NRXN1: variants seen among roughly 807,000 people sequenced by gnomAD.
NRXN1 encodes neurexin-1.
Under a neutral mutation model 150.9 loss-of-function variants are expected in NRXN1, and 39 were observed. The observed-to-expected ratio is 0.26, with a 90% confidence interval of 0.20 to 0.34. NRXN1 has a LOEUF of 0.34. Ranked by LOEUF, NRXN1 falls within the 10% of genes least tolerant of loss-of-function variation. The pLI is 1.00. For synonymous variants in NRXN1, 924 were observed against 757.0 expected (o/e 1.22, Z -3.62); for missense variants, 1,815 against 1,949.9 (o/e 0.93, Z 1.30).
At chr2:49,942,912 G>A (rs988073466) in intron 22 of NRXN1, among the ~76,000 whole-genome samples, 3 of 152,064 alleles carry the variant, frequency 2.0e-5, no homozygotes, top group Non-Finnish European at 2.9e-5. Context: ...GACCAGCAAA[G>A]AACATTATTG....
In NRXN1 at chr2:50,228,353, G is replaced by C. The variant is rs545348362; in HGVS notation, c.3546+8436C>G. ...TTCTCTTGGATGGTATAGGTTGAGA[G>C]ACATGGTAGCAATTCGGTGACAAAC... On this transcript the variant is annotated intron_variant, in intron 18 of 22. Transcript: ENST00000401669. Among the ~76,000 whole-genome samples, 10 of 152,092 alleles carry C rather than the reference G, an allele frequency of 6.6e-5. No homozygotes were observed. The East Asian group carries it at 1.6e-3, about 24-fold the overall frequency.
intron 17 of NRXN1, among the ~76,000 whole-genome samples, chr2:50,280,128 A>T (rs2071219592): frequency 6.6e-6 from 1 of 151,974 alleles, no homozygotes; most frequent in African/African-American, 2.4e-5. Flanking sequence ...AATACAAAAA[A>T]GTAGCAGGGC....
intron 5 of NRXN1, among the ~76,000 whole-genome samples, chr2:50,788,805 T>G (rs1350716649): frequency 1.3e-5 from 2 of 151,658 alleles, no homozygotes; most frequent in East Asian, 3.9e-4. Context: ...ATAAGGAGAT[T>G]ACAATGTCAA....
intron 18 of NRXN1, among the ~76,000 whole-genome samples, chr2:50,150,265 T>C (rs2058619566): frequency 6.6e-6 from 1 of 151,760 alleles, no homozygotes; most frequent in South Asian, 2.1e-4. Flanking sequence ...CATGCAGTCT[T>C]CATGCATGCA....
At chr2:50,269,803 T>C (rs991117660) in intron 17 of NRXN1, among the ~76,000 whole-genome samples, 4 of 152,156 alleles carry the variant, frequency 2.6e-5, no homozygotes, top group Admixed American at 6.5e-5. Flanking sequence ...TCTGCTAACA[T>C]AGAGTTTAAC....
chr2:50,030,924 A>G (rs1275767907), intron 21 of NRXN1, among the ~76,000 whole-genome samples: 2 of 152,022 alleles, frequency 1.3e-5, no homozygotes, highest in East Asian at 3.9e-4. Flanking sequence ...TAAGCTCCCT[A>G]TGGCACTAGA....
At chr2:50,316,980 A>G (rs1202022499) in intron 17 of NRXN1, among the ~76,000 whole-genome samples, 1 of 152,058 alleles carries the variant, frequency 6.6e-6, no homozygotes, top group Non-Finnish European at 1.5e-5. Context: ...TACCAAAAGA[A>G]AAAATAATAA....
At chr2:50,594,894 T>G (rs1276131613) in intron 8 of NRXN1, among the ~76,000 whole-genome samples, 1 of 152,020 alleles carries the variant, frequency 6.6e-6, no homozygotes, top group Non-Finnish European at 1.5e-5. Flanking sequence ...CCACGATGCT[T>G]TAAATCCAAC....
intron 5 of NRXN1, among the ~76,000 whole-genome samples, chr2:50,705,175 A>G (rs190287638): frequency 6.6e-6 from 1 of 152,168 alleles, no homozygotes; most frequent in East Asian, 1.9e-4. Flanking sequence ...ATTTTGACAA[A>G]TGTGTCTCAG....
rs150677873 is a variant in NRXN1, at chr2:50,983,859, T to C, written c.772+43643A>G. On this transcript the variant is annotated intron_variant, in intron 2 of 22. Transcript: ENST00000401669. ...TTAAAGGCAATGAATATAACTCTTC[T>C]ACATAAAATTCTGTACATAGTAGAG... 7.6e-3 allele frequency among the ~76,000 whole-genome samples: 1,159 copies of C among 152,252 alleles called. 8 individuals are homozygous for C. Among genetic ancestry groups the C allele is most frequent in the Non-Finnish European group, 0.011 (738 of 68,000 alleles).
At chr2:50,476,255 G>C (rs770728089) in intron 15 of NRXN1, among the ~76,000 whole-genome samples, 2 of 152,032 alleles carry the variant, frequency 1.3e-5, no homozygotes, top group Non-Finnish European at 2.9e-5. Context: ...CCTCTCAAGA[G>C]TGTTATCTGT....
Position 50,347,578 on chromosome 2 carries a change from C to T in NRXN1, c.3365-110608G>A. ...GGAGCAGCGGCGCGCATCGCCTGCTCCCGAGGCAATCTCCGCGTCCGCCGC... is the reference window on the plus strand; with the variant it reads ...GGAGCAGCGGCGCGCATCGCCTGCTTCCGAGGCAATCTCCGCGTCCGCCGC... On this transcript the variant is annotated intron_variant, in intron 17 of 22. Coordinates refer to ENST00000401669, the MANE Select transcript of NRXN1 (RefSeq NM_001330078.2). This position sits in a 1 kb window ranked among gnomAD's most constrained non-coding sequence, Gnocchi z 4.9. 3 of 1,015,756 alleles carry T rather than the reference C, an allele frequency of 3.0e-6. No individual in the cohort carries two copies. Among genetic ancestry groups the T allele is most frequent in the South Asian group, 3.6e-5 (1 of 27,472 alleles). The allele number at this position is 1,015,756 out of a possible 1,614,324, so 62.9% of individuals were successfully genotyped here.
intron 18 of NRXN1, among the ~76,000 whole-genome samples, chr2:50,190,916 A>G (rs2061404006): frequency 1.3e-5 from 2 of 151,940 alleles, no homozygotes; most frequent in Non-Finnish European, 2.9e-5. Context: ...CCCGGCCTAC[A>G]CCTCCTAACA....
At chr2:50,664,951 A>G (rs962908678) in intron 5 of NRXN1, among the ~76,000 whole-genome samples, 2 of 152,020 alleles carry the variant, frequency 1.3e-5, no homozygotes, top group African/African-American at 4.8e-5. Context: ...TGGTTCTTTC[A>G]CATGTATGCT....
chr2:50,958,170 T>C (rs376861173), intron 2 of NRXN1, among the ~76,000 whole-genome samples: 2 of 152,136 alleles, frequency 1.3e-5, no homozygotes, highest in African/African-American at 2.4e-5. Flanking sequence ...TTTGGAAAGA[T>C]TTTAATCAGA....
At chr2:50,470,745 A>C (rs1312932031) in intron 16 of NRXN1, among the ~76,000 whole-genome samples, 3 of 151,820 alleles carry the variant, frequency 2.0e-5, no homozygotes, top group Non-Finnish European at 4.4e-5. Context: ...GCAGAGCCAC[A>C]AAATTCATGA....
chr2:50,257,140 T>A (rs956456579), intron 17 of NRXN1, among the ~76,000 whole-genome samples: 2 of 152,244 alleles, frequency 1.3e-5, no homozygotes, highest in East Asian at 3.9e-4. Flanking sequence ...AAGAGATTAA[T>A]ATTCAAAGAG....
chr2:50,359,766 G>A (rs558952774), intron 17 of NRXN1, among the ~76,000 whole-genome samples: 1 of 151,972 alleles, frequency 6.6e-6, no homozygotes, highest in Admixed American at 6.6e-5. Flanking sequence ...ACACCACAAA[G>A]ATACTCCTCA....
chr2:50,985,580 A>T (rs1476959772), intron 2 of NRXN1, among the ~76,000 whole-genome samples: 1 of 151,972 alleles, frequency 6.6e-6, no homozygotes, highest in East Asian at 1.9e-4. Context: ...CTCTGAAAGA[A>T]TTAACTGAAA....
Sources: allele counts gnomAD v4.1 joint callset (sites outside exome capture counted in the v4.1 genomes callset), GRCh38; gene constraint gnomAD v4.1.1; non-coding constraint Gnocchi (gnomAD v3.1); transcripts MANE v1.5; gene names NCBI Gene and HGNC (gene_info 2026-07-23, HGNC 2026-07-21).